The following DOK6 variants were observed in gnomAD, a reference collection of about 807,000 sequenced individuals.
DOK6 encodes the protein downstream of tyrosine kinase 6.
In DOK6, 22 loss-of-function variants were observed where a neutral mutation model predicts 44.0. That is an observed-to-expected ratio of 0.50 (90% CI 0.36 to 0.71). The LOEUF (loss-of-function observed/expected upper bound fraction) is 0.71. DOK6 is among the 30% of genes least tolerant of loss of function. The pLI, the probability that DOK6 is intolerant of heterozygous loss-of-function variation, is 0.00. For synonymous variants in DOK6, 166 were observed against 145.5 expected, an observed-to-expected ratio of 1.14 and a Z score of -1.01; for missense variants, 340 against 416.4, an observed-to-expected ratio of 0.82 and a Z score of 1.60.
chr18:69,431,737 G>T (rs565839021), intron 1 of DOK6, among the ~76,000 whole-genome samples: 1 of 152,216 alleles, frequency 6.6e-6, no homozygotes, highest in Admixed American at 6.5e-5. Context: ...ACTGCCTACT[G>T]TTGAAATCTC....
At chr18:69,678,816 G>A (rs1378318238) in intron 4 of DOK6, among the ~76,000 whole-genome samples, 4 of 152,180 alleles carry the variant, frequency 2.6e-5, no homozygotes, top group Non-Finnish European at 4.4e-5. Context: ...TTTTAGTGTT[G>A]CTAAGTTTTG....
rs868708453 is a variant in DOK6 at position 69,565,301 on chromosome 18, A to T, written c.174+707A>T. Among the ~76,000 whole-genome samples, 3 of 152,246 alleles carry T rather than the reference A, an allele frequency of 2.0e-5. No individual in the cohort carries two copies. The South Asian group carries it at 6.2e-4, about 32-fold the overall frequency. On this transcript the variant is annotated intron_variant, in intron 2 of 7. Transcript: ENST00000382713. ...TCATACATGGAGTAAGTTTTCCTGGATAATGTAATGAATTTGTGGAATTTT... is the reference window on the plus strand; with the variant it reads ...TCATACATGGAGTAAGTTTTCCTGGTTAATGTAATGAATTTGTGGAATTTT...
intron 1 of DOK6, among the ~76,000 whole-genome samples, chr18:69,490,448 T>C (rs755139478): frequency 6.6e-6 from 1 of 152,120 alleles, no homozygotes; most frequent in African/African-American, 2.4e-5. Context: ...AGATAATAAT[T>C]ATGAAAAAAT....
chr18:69,599,446 G>A lies in DOK6; in HGVS notation c.237G>A (p.Ala79=), dbSNP rs776114206. Residue 79 remains alanine (A), a synonymous_variant, in exon 3 of 8, where the codon GCG becomes GCA. Transcript: ENST00000382713. ...TGCCCCGAGAGACAAAGAAGCATGCGGTGGCAATCATCTTTCACGATGAAA... is the reference window on the plus strand; with the variant it reads ...TGCCCCGAGAGACAAAGAAGCATGCAGTGGCAATCATCTTTCACGATGAAA... ...TRLPRETKKH[A]VAIIFHDETS... The A allele has an allele frequency of 3.2e-5, 51 of 1,613,698 alleles. 1 individual carries two copies. Among genetic ancestry groups the A allele is most frequent in the South Asian group, 1.8e-4 (16 of 91,054 alleles).
At chr18:69,669,922 A>G (rs1231112778) in intron 3 of DOK6, among the ~76,000 whole-genome samples, 1 of 152,116 alleles carries the variant, frequency 6.6e-6, no homozygotes, top group Admixed American at 6.5e-5. Flanking sequence ...TGGCCTTTAT[A>G]TTTGTTTTGG....
At position 69,613,381 on chromosome 18, in the gene DOK6, C is replaced by T. The variant is rs562891788; in HGVS notation, c.289+13883C>T. Among the ~76,000 whole-genome samples, 3 of 152,172 alleles carry T rather than the reference C, an allele frequency of 2.0e-5. No homozygotes were observed. The East Asian group carries it at 5.8e-4, about 29-fold the overall frequency. ...TTGCCTGTTCATTAAAAGGAGAGCCCTTCTTTCTTTTACTGAGTATGTCCC... is the reference window on the plus strand; with the variant it reads ...TTGCCTGTTCATTAAAAGGAGAGCCTTTCTTTCTTTTACTGAGTATGTCCC... On this transcript the variant is annotated intron_variant, in intron 3 of 7. Coordinates refer to ENST00000382713, the MANE Select transcript of DOK6 (RefSeq NM_152721.6).
intron 1 of DOK6, among the ~76,000 whole-genome samples, chr18:69,544,100 A>C (rs769034956): frequency 6.6e-6 from 1 of 150,664 alleles, no homozygotes; most frequent in Admixed American, 6.6e-5. Flanking sequence ...CTACTAAAAA[A>C]AAAAAAAATC....
At chr18:69,448,289 T>A (rs1979354457) in intron 1 of DOK6, among the ~76,000 whole-genome samples, 1 of 152,202 alleles carries the variant, frequency 6.6e-6, no homozygotes, top group Non-Finnish European at 1.5e-5. Context: ...TGTAGTTGCA[T>A]TTGTGCAAGG....
At chr18:69,467,152 A>T (rs1979951984) in intron 1 of DOK6, among the ~76,000 whole-genome samples, 2 of 152,144 alleles carry the variant, frequency 1.3e-5, no homozygotes, top group Non-Finnish European at 2.9e-5. Context: ...ATAATGTTGT[A>T]AACCAAAGAG....
chr18:69,497,879 C>T (rs563935946), intron 1 of DOK6, among the ~76,000 whole-genome samples: 5 of 152,044 alleles, frequency 3.3e-5, no homozygotes, highest in African/African-American at 1.2e-4. Flanking sequence ...AATCTCACTA[C>T]GTTGGGAAGG....
At chr18:69,709,573 A>G (rs978736208) in intron 5 of DOK6, among the ~76,000 whole-genome samples, 4 of 152,156 alleles carry the variant, frequency 2.6e-5, no homozygotes, top group Non-Finnish European at 5.9e-5. Context: ...CTAGACAAAG[A>G]TTATAAATTC....
intron 1 of DOK6, among the ~76,000 whole-genome samples, chr18:69,471,394 G>T (rs942363098): frequency 3.2e-4 from 49 of 151,938 alleles, no homozygotes; most frequent in African/African-American, 1.1e-3. Flanking sequence ...TGGTGCACTT[G>T]AGGAACAAAA....
intron 3 of DOK6, among the ~76,000 whole-genome samples, chr18:69,620,800 C>T (rs949301810): frequency 2.6e-5 from 4 of 152,116 alleles, no homozygotes; most frequent in South Asian, 2.1e-4. Context: ...AATTGAGGCA[C>T]GCCTGTAAAC....
intron 5 of DOK6, among the ~76,000 whole-genome samples, chr18:69,724,377 T>C (rs947770722): frequency 2.6e-5 from 4 of 152,164 alleles, no homozygotes; most frequent in African/African-American, 9.7e-5. Flanking sequence ...GCATTGAAAA[T>C]GAACATTTCA....
chr18:69,713,842 T>G (rs77270485), intron 5 of DOK6, among the ~76,000 whole-genome samples: 113 of 152,292 alleles, frequency 7.4e-4, no homozygotes, highest in African/African-American at 2.5e-3. Context: ...TGTTGTGGTA[T>G]ATCACCATGA....
chr18:69,821,878 AAAC>A (rs778076828), intron 7 of DOK6, among the ~76,000 whole-genome samples: 1 of 152,066 alleles, frequency 6.6e-6, no homozygotes, highest in Non-Finnish European at 1.5e-5. Context: ...GAAATAATTT[AAAC>A]AACACTTCTC....
At chr18:69,662,766 A>C (rs974927873) in intron 3 of DOK6, 1 of 152,156 alleles carries the variant, frequency 6.6e-6, no homozygotes, top group Non-Finnish European at 1.5e-5. Flanking sequence ...CCCATTGCCA[A>C]CTCCACAATG....
chr18:69,529,844 A>G (rs760981962), intron 1 of DOK6, among the ~76,000 whole-genome samples: 3 of 152,170 alleles, frequency 2.0e-5, no homozygotes, highest in Non-Finnish European at 4.4e-5. Context: ...ATATTTCACA[A>G]TTCTTCAAAA....
chr18:69,770,541 T>C (rs1979857165), intron 7 of DOK6, among the ~76,000 whole-genome samples: 1 of 152,054 alleles, frequency 6.6e-6, no homozygotes, highest in Admixed American at 6.6e-5. Context: ...ATCTAAGCAA[T>C]TTGTGTAAAG....
Sources: allele counts gnomAD v4.1 joint callset (sites outside exome capture counted in the v4.1 genomes callset), GRCh38; gene constraint gnomAD v4.1.1; transcripts MANE v1.5; gene names NCBI Gene and HGNC (gene_info 2026-07-23, HGNC 2026-07-21).